RBFOX1: variants seen among roughly 807,000 people sequenced by gnomAD.
RBFOX1 encodes the protein RNA binding protein fox-1 homolog 1.
RBFOX1 carries 8 observed loss-of-function variants against 57.7 expected under a neutral mutation model. That is an observed-to-expected ratio of 0.14 (90% CI 0.08 to 0.25). The LOEUF is 0.25. Among genes scored for constraint, RBFOX1 ranks in the 10% least tolerant of loss-of-function variants. RBFOX1 has a pLI of 1.00. For missense variants in RBFOX1, 611 were observed against 548.5 expected, an observed-to-expected ratio of 1.11 and a Z score of -1.14; for synonymous variants, 326 against 222.4, an observed-to-expected ratio of 1.47 and a Z score of -4.15.
chr16:6,508,740 G>T (rs1294506119), intron 2 of RBFOX1, among the ~76,000 whole-genome samples: 2 of 151,934 alleles, frequency 1.3e-5, no homozygotes, highest in Admixed American at 6.6e-5. Context: ...AAATTCACAG[G>T]ATGAATTACT....
chr16:6,559,558 T>A (rs1456388181), intron 2 of RBFOX1, among the ~76,000 whole-genome samples: 3 of 152,142 alleles, frequency 2.0e-5, no homozygotes, highest in Non-Finnish European at 1.5e-5. Context: ...TTGAGTCACC[T>A]GTCGTGTTGG....
intron 4 of RBFOX1, among the ~76,000 whole-genome samples, chr16:5,953,632 G>A (rs929355718): frequency 6.6e-6 from 1 of 151,548 alleles, no homozygotes; most frequent in African/African-American, 2.4e-5. Context: ...TAGAATAATA[G>A]TCTCTAATCT....
At chr16:7,679,359 C>G (rs2074168240) in intron 14 of RBFOX1, among the ~76,000 whole-genome samples, 1 of 152,134 alleles carries the variant, frequency 6.6e-6, no homozygotes, top group African/African-American at 2.4e-5. Flanking sequence ...AGCATAGAAT[C>G]AGTAAGTGAT....
chr16:5,813,230 A>G (rs1488607240), intron 3 of RBFOX1, among the ~76,000 whole-genome samples: 1 of 149,986 alleles, frequency 6.7e-6, no homozygotes, highest in African/African-American at 2.5e-5. Flanking sequence ...CTGGTCTTGA[A>G]CTCCTAACCT....
At chr16:6,818,758 G>A (rs1402365374) in intron 3 of RBFOX1, among the ~76,000 whole-genome samples, 1 of 152,132 alleles carries the variant, frequency 6.6e-6, no homozygotes, top group African/African-American at 2.4e-5. Flanking sequence ...GCTTCACAAG[G>A]GGGAGTGTGA....
At chr16:5,672,445 A>G (rs566548302) in intron 3 of RBFOX1, among the ~76,000 whole-genome samples, 1 of 152,094 alleles carries the variant, frequency 6.6e-6, no homozygotes, top group Non-Finnish European at 1.5e-5. Context: ...CATTTCTGCT[A>G]TGCTGAACCT....
intron 4 of RBFOX1, among the ~76,000 whole-genome samples, chr16:7,186,215 T>TATTTATATAAACATAAAC (rs2083719434): frequency 6.8e-6 from 1 of 146,068 alleles, no homozygotes; most frequent in Non-Finnish European, 1.5e-5. Flanking sequence ...TGTATATAAA[T>TATTTATATAAACATAAAC]ATTTATATAA....
intron 3 of RBFOX1, among the ~76,000 whole-genome samples, chr16:5,782,482 G>T (rs1597231376): frequency 3.3e-5 from 5 of 152,304 alleles, no homozygotes; most frequent in African/African-American, 9.6e-5. Flanking sequence ...TCCCAACACT[G>T]TTGCATTGGG....
At chr16:5,486,567 A>G (rs1331300450) in intron 2 of RBFOX1, among the ~76,000 whole-genome samples, 2 of 152,158 alleles carry the variant, frequency 1.3e-5, no homozygotes, top group Non-Finnish European at 2.9e-5. Flanking sequence ...TACTTGACAG[A>G]TGTTCTGGAT....
chr16:6,146,716 G>A (rs770972651), intron 1 of RBFOX1, among the ~76,000 whole-genome samples: 18 of 152,190 alleles, frequency 1.2e-4, no homozygotes, highest in Non-Finnish European at 1.9e-4. Context: ...TTTTTTGAAA[G>A]TGATATCATC....
chr16:7,666,013 C>T (rs945203071), intron 13 of RBFOX1, among the ~76,000 whole-genome samples: 1 of 152,102 alleles, frequency 6.6e-6, no homozygotes, highest in Admixed American at 6.6e-5. Flanking sequence ...TTTTTTCCCC[C>T]GTAATAAAAT....
intron 3 of RBFOX1, among the ~76,000 whole-genome samples, chr16:5,707,572 C>A (rs535193118): frequency 6.6e-6 from 1 of 152,290 alleles, no homozygotes; most frequent in South Asian, 2.1e-4. Context: ...TGCCTTCCCC[C>A]AACACTCCAG....
intron 2 of RBFOX1, among the ~76,000 whole-genome samples, chr16:5,574,041 G>T (rs192265208): frequency 6.6e-6 from 1 of 152,326 alleles, no homozygotes; most frequent in Non-Finnish European, 1.5e-5. Flanking sequence ...ATTTGCCCCC[G>T]ATGCCATTCT....
At chr16:6,449,654 A>G (rs1346505478) in intron 2 of RBFOX1, among the ~76,000 whole-genome samples, 1 of 152,208 alleles carries the variant, frequency 6.6e-6, no homozygotes, top group Non-Finnish European at 1.5e-5. Context: ...TTCAGTGTTT[A>G]GCGTCAACAC....
At chr16:6,434,280 T>C (rs1256323898) in intron 2 of RBFOX1, among the ~76,000 whole-genome samples, 1 of 152,202 alleles carries the variant, frequency 6.6e-6, no homozygotes, top group East Asian at 1.9e-4. Context: ...TCAGAGGTTC[T>C]GGAGATGAGG....
chr16:6,038,600 T>C (rs144458714), intron 1 of RBFOX1: 43 of 147,562 alleles, frequency 2.9e-4, no homozygotes, highest in African/African-American at 1.0e-3. Flanking sequence ...TCCATATATA[T>C]ATATATATCT....
At chr16:5,768,338 G>A (rs2053858449) in intron 3 of RBFOX1, among the ~76,000 whole-genome samples, 2 of 152,150 alleles carry the variant, frequency 1.3e-5, no homozygotes, top group South Asian at 4.1e-4. Flanking sequence ...TGAGGAAAAG[G>A]CTGCTGAAAT....
intron 2 of RBFOX1, among the ~76,000 whole-genome samples, chr16:5,597,487 C>A (rs1164811034): frequency 1.4e-5 from 2 of 148,120 alleles, no homozygotes; most frequent in Non-Finnish European, 3.0e-5. Flanking sequence ...GCAACCTGTA[C>A]CTCCCAGGTT....
chr16:6,208,636 A>C (rs2097271257), intron 1 of RBFOX1, among the ~76,000 whole-genome samples: 1 of 152,212 alleles, frequency 6.6e-6, no homozygotes, highest in African/African-American at 2.4e-5. Context: ...GTAGCGCTGC[A>C]CAGTGGCCAT....
Sources: gnomAD v4.1 joint callset for allele counts (sites outside exome capture counted in the v4.1 genomes callset) on GRCh38, gnomAD v4.1.1 for gene constraint, MANE v1.5 for transcripts, NCBI Gene and HGNC (gene_info 2026-07-23, HGNC 2026-07-21) for gene names.